Variants in SARDH observed in about 807,000 individuals in gnomAD.
SARDH encodes the protein sarcosine dehydrogenase.
In SARDH, 95 loss-of-function variants were observed where a neutral mutation model predicts 109.1. That is an observed-to-expected ratio of 0.87 (90% CI 0.74 to 1.03). The LOEUF (loss-of-function observed/expected upper bound fraction) is 1.03. Ranked by LOEUF, SARDH falls within the 50% of genes least tolerant of loss-of-function variation. The probability of loss-of-function intolerance (pLI) is 0.00; values close to 1 mark genes in which losing one functional copy is unlikely to be tolerated. For synonymous variants in SARDH, 572 were observed against 534.8 expected (o/e 1.07, Z -0.96); for missense variants, 1,267 against 1,287.8 (o/e 0.98, Z 0.25).
downstream of SARDH, among the ~76,000 whole-genome samples, chr9:133,660,441 A>AT (rs1022794816): frequency 3.3e-5 from 5 of 152,036 alleles, no homozygotes; most frequent in East Asian, 1.9e-4. Context: ...CTTGTGGGGG[A>AT]TTTTATCTAA....
intron 1 of SARDH, among the ~76,000 whole-genome samples, chr9:133,734,681 G>A (rs1484055613): frequency 6.6e-6 from 1 of 152,228 alleles, no homozygotes; most frequent in Non-Finnish European, 1.5e-5. Flanking sequence ...GAGACCTGAG[G>A]AAAGTGGGCT....
rs376698046 is a variant in SARDH at position 133,671,628 on chromosome 9, C to G, written c.2233G>C (p.Val745Leu). The change falls in exon 18 of 21, where the codon GTG (valine) becomes CTG (leucine). Residue 745 changes from valine (V) to leucine (L), a missense_variant. Coordinates refer to ENST00000439388, the MANE Select transcript of SARDH (RefSeq NM_001134707.2). ...WELHIPKASC[V>L]PVYRAVMAAG... ...GCCATCACAGCCCGGTACACAGGCA[C>G]GCAGGACGCCTTTGGAATGTGCAGC... The G allele has an allele frequency of 2.9e-5, 46 of 1,600,254 alleles. No individual in the cohort carries two copies. The highest frequency in any genetic ancestry group is 3.7e-5 in the Non-Finnish European group (43 of 1,174,078).
At chr9:133,727,316 G>T (rs905976491) in intron 6 of SARDH, among the ~76,000 whole-genome samples, 1 of 152,236 alleles carries the variant, frequency 6.6e-6, no homozygotes, top group Admixed American at 6.5e-5. Flanking sequence ...TGAGACCTGA[G>T]CCCTCACCTG....
At chr9:133,663,018 AAG>A (rs1435571156), downstream of SARDH, among the ~76,000 whole-genome samples, 1 of 152,168 alleles carries the variant, frequency 6.6e-6, no homozygotes, top group Non-Finnish European at 1.5e-5. Context: ...GGCAGAGCCT[AAG>A]AGAGGGTCCT....
chr9:133,669,565 G>A (rs1830261587), intron 19 of SARDH, among the ~76,000 whole-genome samples: 1 of 151,794 alleles, frequency 6.6e-6, no homozygotes, highest in South Asian at 2.1e-4. Flanking sequence ...TCGGGTTCCT[G>A]GAATCCAAAC....
At position 133,693,370 on chromosome 9, in the gene SARDH, G is replaced by A. The variant is rs911541312; in HGVS notation, c.1921+888C>T. Among the ~76,000 whole-genome samples the A allele has an allele frequency of 3.3e-5, 5 of 152,112 alleles. No homozygotes were observed. The highest frequency in any genetic ancestry group is 7.2e-5 in the African/African-American group (3 of 41,414). ...CCCAAGCTGGGGCTCGACACTGACC[G>A]AGTCCCAGTGAGGAAACAACTACAT... On this transcript the variant is annotated intron_variant, in intron 15 of 20. Transcript: ENST00000439388. This position sits in a 1 kb window ranked among gnomAD's most constrained non-coding sequence, Gnocchi z 5.6.
Position 133,663,838 on chromosome 9 carries a change from G to A in SARDH, c.*51C>T, listed in dbSNP as rs574167418. 6.2e-7 allele frequency: 1 copy of A among 1,607,788 alleles called. No homozygotes were observed. The highest frequency in any genetic ancestry group is 1.7e-5 in the Admixed American group (1 of 59,742). On this transcript the variant is annotated 3_prime_UTR_variant, in exon 21 of 21. Transcript: ENST00000439388. ...GGTCCTGGGACCCAGGGCCATTTGG[G>A]ACCTGTGAGAATGGATGGACAGCAT...
intron 6 of SARDH, among the ~76,000 whole-genome samples, chr9:133,720,648 G>A (rs982795559): frequency 2.0e-5 from 3 of 146,622 alleles, no homozygotes; most frequent in African/African-American, 8.3e-5. Context: ...CAGCAGGAAA[G>A]AGAGAGAGAG....
Position 133,734,131 on chromosome 9 carries a change from G to T in SARDH, c.43C>A (p.Pro15Thr), listed in dbSNP as rs1188444583. The change falls in exon 2 of 21, where the codon CCT (proline) becomes ACT (threonine). Residue 15 changes from proline (P) to threonine (T), a missense_variant. Physicochemically the swap from Pro to Thr is conservative, Grantham distance 38. Coordinates refer to ENST00000439388, the MANE Select transcript of SARDH (RefSeq NM_001134707.2). ...SRALRVAAAH[P>T]RQSPTRGMGP... ...ATGCCCCGGGTAGGGCTCTGGCGAGGGTGGGCAGCAGCCACACGTAGGGCT... is the reference window on the plus strand; with the variant it reads ...ATGCCCCGGGTAGGGCTCTGGCGAGTGTGGGCAGCAGCCACACGTAGGGCT... 1 of 1,608,996 alleles carries T rather than the reference G, an allele frequency of 6.2e-7. No homozygotes were observed. The highest frequency in any genetic ancestry group is 8.5e-7 in the Non-Finnish European group (1 of 1,178,280).
chr9:133,694,924 G>T (rs1287272809), intron 14 of SARDH, among the ~76,000 whole-genome samples: 3 of 152,136 alleles, frequency 2.0e-5, no homozygotes, highest in African/African-American at 7.2e-5. Flanking sequence ...AAGACTGAGT[G>T]GGTGGCTGGA....
intron 13 of SARDH, among the ~76,000 whole-genome samples, chr9:133,702,553 T>A (rs1414093427): frequency 1.3e-5 from 2 of 151,918 alleles, no homozygotes; most frequent in African/African-American, 4.8e-5. Flanking sequence ...AGGACCCCCT[T>A]CCCCCACCAC....
intron 17 of SARDH, among the ~76,000 whole-genome samples, chr9:133,678,627 G>T (rs1318832373): frequency 2.6e-5 from 4 of 152,174 alleles, no homozygotes; most frequent in Non-Finnish European, 4.4e-5. Flanking sequence ...GAGAAGCACT[G>T]CACGGAGAGG....
Position 133,686,053 on chromosome 9 carries a change from G to T in SARDH, c.2070-767C>A, listed in dbSNP as rs565496096. On this transcript the variant is annotated intron_variant, in intron 16 of 20. Transcript: ENST00000439388. The surrounding 1 kb of genome is among the most constrained non-coding windows in gnomAD (Gnocchi z 4.0). ...GGGACTGTCACCTACCGAGGGCAGGGCTGCACCTGAGTGCCACAGTGCTAT... is the reference window on the plus strand; with the variant it reads ...GGGACTGTCACCTACCGAGGGCAGGTCTGCACCTGAGTGCCACAGTGCTAT... Among the ~76,000 whole-genome samples, 3 of 152,258 alleles carry T rather than the reference G, an allele frequency of 2.0e-5. No homozygotes were observed. The highest frequency in any genetic ancestry group is 1.9e-4 in the East Asian group (1 of 5,180).
intron 10 of SARDH, among the ~76,000 whole-genome samples, chr9:133,708,958 G>A (rs1004848230): frequency 1.2e-4 from 19 of 152,152 alleles, no homozygotes; most frequent in South Asian, 2.1e-4. Context: ...AAGGGTGGCC[G>A]CCTGTCCCAT....
In SARDH at chr9:133,704,057, G is replaced by T. The variant is rs1391173959; in HGVS notation, c.1554+891C>A. On this transcript the variant is annotated intron_variant, in intron 12 of 20. Coordinates refer to ENST00000439388, the MANE Select transcript of SARDH (RefSeq NM_001134707.2). The surrounding 1 kb of genome is among the most constrained non-coding windows in gnomAD (Gnocchi z 4.5). ...ACAGTGGGTTGCACTTCAAGACAGG[G>T]TCTGCCCAGACCCCTCCTCCCCGCA... 3.3e-5 allele frequency among the ~76,000 whole-genome samples: 5 copies of T among 152,208 alleles called. No individual in the cohort carries two copies. Among genetic ancestry groups the T allele is most frequent in the African/African-American group, 9.6e-5 (4 of 41,526 alleles).
intron 1 of SARDH, among the ~76,000 whole-genome samples, chr9:133,735,543 A>C (rs1268821639): frequency 6.6e-6 from 1 of 152,202 alleles, no homozygotes; most frequent in Non-Finnish European, 1.5e-5. Context: ...CTGGGGACGC[A>C]GCAACCGTGG....
At chr9:133,729,170 A>G (rs1195956060) in intron 6 of SARDH, among the ~76,000 whole-genome samples, 1 of 151,892 alleles carries the variant, frequency 6.6e-6, no homozygotes, top group Non-Finnish European at 1.5e-5. Context: ...TGAGTAAGGG[A>G]GGGTTGCATG....
In SARDH at chr9:133,702,810, T is replaced by C. The variant is rs1831539252; in HGVS notation, c.1668+106A>G. On this transcript the variant is annotated intron_variant, in intron 13 of 20. Coordinates refer to ENST00000439388, the MANE Select transcript of SARDH (RefSeq NM_001134707.2). The stretch of plus-strand genomic sequence containing the variant: ...GCGTGAATGCAGAGCCCGAAGAGAC[T>C]CCTGGGGGAGGGGAGCCCCTGCAGG... The C allele has an allele frequency of 3.2e-6, 3 of 942,384 alleles. No homozygotes were observed. In the South Asian group the frequency reaches 4.1e-5, roughly 13 times the overall value. 58.4% of individuals were successfully genotyped at this position (942,384 alleles called of 1,614,324 possible).
chr9:133,700,479 C>A (rs956621712), intron 13 of SARDH, among the ~76,000 whole-genome samples: 1 of 152,036 alleles, frequency 6.6e-6, no homozygotes, highest in Non-Finnish European at 1.5e-5. Context: ...ATTCTACTTA[C>A]GTGAAACGTC....
Sources: allele counts gnomAD v4.1 joint callset (sites outside exome capture counted in the v4.1 genomes callset), GRCh38; gene constraint gnomAD v4.1.1; non-coding constraint Gnocchi (gnomAD v3.1); transcripts MANE v1.5; gene names NCBI Gene and HGNC (gene_info 2026-07-23, HGNC 2026-07-21).